The following CCDC102B variants were observed in gnomAD, a reference collection of about 807,000 sequenced individuals.
CCDC102B encodes the protein coiled-coil domain containing 102B.
Under a neutral mutation model 57.4 loss-of-function variants are expected in CCDC102B, and 75 were observed. The ratio of observed to expected loss-of-function variants is 1.31; its 90% confidence interval spans 1.08 to 1.58. CCDC102B has a LOEUF of 1.58. CCDC102B is among the 40% of genes most tolerant of loss of function. The pLI, the probability that CCDC102B is intolerant of heterozygous loss-of-function variation, is 0.00. For synonymous variants in CCDC102B, 206 were observed against 201.9 expected (o/e 1.02, Z -0.17); for missense variants, 636 against 582.6 (o/e 1.09, Z -0.94).
At chr18:68,901,944 C>G (rs535760516) in intron 6 of CCDC102B, among the ~76,000 whole-genome samples, 30 of 152,316 alleles carry the variant, frequency 2.0e-4, no homozygotes, top group African/African-American at 7.2e-4. Context: ...CTCCTTCATT[C>G]TGAACCCTGA....
chr18:68,941,260 AAAAT>A (rs1305031124), intron 6 of CCDC102B, among the ~76,000 whole-genome samples: 1 of 90,890 alleles, frequency 1.1e-5, no homozygotes, highest in African/African-American at 3.0e-5. Context: ...GGTGAGCACA[AAAAT>A]AAAAAAAAAA....
At chr18:68,790,344 G>A (rs1468771347) in intron 2 of CCDC102B, among the ~76,000 whole-genome samples, 1 of 151,732 alleles carries the variant, frequency 6.6e-6, no homozygotes, top group Non-Finnish European at 1.5e-5. Context: ...TCCTTGAGCT[G>A]TGGTGGGCTC....
chr18:68,942,149 A>C (rs1244599871), intron 6 of CCDC102B, among the ~76,000 whole-genome samples: 2 of 152,072 alleles, frequency 1.3e-5, no homozygotes, highest in Admixed American at 6.6e-5. Context: ...TCTGTTGGAG[A>C]TGTGTTGATT....
chr18:68,838,511 A>G, intron 2 of CCDC102B, 195 bp from the exon 3 acceptor site: 2 of 985,320 alleles, frequency 2.0e-6, no homozygotes, highest in Non-Finnish European at 2.4e-6. Flanking sequence ...TTTATGAGAA[A>G]GTAGAACATA....
chr18:68,965,175 G>A (rs1181280733), intron 6 of CCDC102B, among the ~76,000 whole-genome samples: 1 of 151,618 alleles, frequency 6.6e-6, no homozygotes, highest in Non-Finnish European at 1.5e-5. Context: ...ATCCTTCTAG[G>A]ACTCCAATGA....
intron 7 of CCDC102B, among the ~76,000 whole-genome samples, chr18:69,049,932 C>A (rs1237217575): frequency 1.3e-5 from 2 of 152,054 alleles, no homozygotes; most frequent in Non-Finnish European, 2.9e-5. Flanking sequence ...GCCTCAGCCT[C>A]CTGAGTAGCT....
chr18:68,905,867 C>T (rs1173760866), intron 6 of CCDC102B, among the ~76,000 whole-genome samples: 1 of 142,948 alleles, frequency 7.0e-6, no homozygotes. Flanking sequence ...GATCTCGGCT[C>T]ACTGCAAGCT....
rs548049807 is a variant in CCDC102B at position 68,759,525 on chromosome 18, C to T, written c.-67+42931C>T. ...AGATTAAGAATCACATCAGACTTCT[C>T]AACAGACATATGGGGGGCCAGAAGA... On this transcript the variant is annotated intron_variant, in intron 2 of 3. Transcript: ENST00000578970. 2.6e-5 allele frequency among the ~76,000 whole-genome samples: 4 copies of T among 152,122 alleles called. No individual in the cohort carries two copies. In the East Asian group the frequency reaches 5.8e-4, roughly 22 times the overall value.
chr18:68,729,154 A>G (rs2032746316), intron 2 of CCDC102B, among the ~76,000 whole-genome samples: 1 of 152,196 alleles, frequency 6.6e-6, no homozygotes, highest in African/African-American at 2.4e-5. Context: ...TAATCTAAAG[A>G]TGTGGCAGCT....
intron 2 of CCDC102B, among the ~76,000 whole-genome samples, chr18:68,766,387 T>C (rs2034471250): frequency 6.6e-6 from 1 of 152,196 alleles, no homozygotes; most frequent in Admixed American, 6.5e-5. Flanking sequence ...AAATCAGGTC[T>C]TACAGTTTTT....
At chr18:68,899,805 T>C (rs528954239) in intron 6 of CCDC102B, 2 of 152,266 alleles carry the variant, frequency 1.3e-5, no homozygotes, top group South Asian at 2.1e-4. Flanking sequence ...GGTTTTTTTA[T>C]TTCAATGGTA....
intron 6 of CCDC102B, among the ~76,000 whole-genome samples, chr18:68,956,372 A>T (rs1346134147): frequency 0.046 from 1,463 of 32,060 alleles, 69 homozygotes; most frequent in African/African-American, 0.14. Context: ...TATATATATA[A>T]AATGTATAAT....
chr18:68,911,605 A>C (rs1433961542), intron 6 of CCDC102B, among the ~76,000 whole-genome samples: 1 of 149,668 alleles, frequency 6.7e-6, no homozygotes, highest in African/African-American at 2.5e-5. Context: ...ACAAAAAATT[A>C]GCCGGGCGTG....
chr18:68,948,461 C>T (rs1455680027), intron 6 of CCDC102B, among the ~76,000 whole-genome samples: 10 of 151,144 alleles, frequency 6.6e-5, no homozygotes, highest in African/African-American at 2.4e-4. Context: ...CAATTTCTGA[C>T]CTTTTTTACA....
intron 2 of CCDC102B, among the ~76,000 whole-genome samples, chr18:68,749,345 G>C (rs1422908983): frequency 2.6e-5 from 4 of 151,338 alleles, no homozygotes; most frequent in Non-Finnish European, 5.9e-5. Flanking sequence ...GGATGGCATT[G>C]AATCTATAAA....
At chr18:68,960,235 C>T (rs1008094475) in intron 6 of CCDC102B, among the ~76,000 whole-genome samples, 3 of 152,116 alleles carry the variant, frequency 2.0e-5, no homozygotes, top group Non-Finnish European at 2.9e-5. Context: ...TGTATCCTTC[C>T]CTTTAAGGCC....
intron 6 of CCDC102B, among the ~76,000 whole-genome samples, chr18:68,959,834 T>C (rs1245202213): frequency 6.6e-6 from 1 of 152,114 alleles, no homozygotes; most frequent in African/African-American, 2.4e-5. Context: ...GACTGAGGGC[T>C]CTTCATTCAG....
chr18:69,049,231 C>G (rs1201076180), intron 7 of CCDC102B, among the ~76,000 whole-genome samples: 4 of 151,982 alleles, frequency 2.6e-5, no homozygotes, highest in Admixed American at 2.6e-4. Flanking sequence ...TGATGTTCCC[C>G]TCTCTGTGTC....
At chr18:68,931,909 T>C (rs537328492) in intron 6 of CCDC102B, among the ~76,000 whole-genome samples, 5 of 152,104 alleles carry the variant, frequency 3.3e-5, no homozygotes, top group South Asian at 2.1e-4. Flanking sequence ...GTGGTAGCTA[T>C]ATAGTGTCTT....
Sources: gnomAD v4.1 joint callset for allele counts (sites outside exome capture counted in the v4.1 genomes callset) on GRCh38, gnomAD v4.1.1 for gene constraint, MANE v1.5 for transcripts, NCBI Gene and HGNC (gene_info 2026-07-23, HGNC 2026-07-21) for gene names.